Variants in UROC1 observed in about 807,000 individuals in gnomAD.
UROC1 encodes urocanate hydratase.
Under a neutral mutation model 89.5 loss-of-function variants are expected in UROC1, and 79 were observed. The ratio of observed to expected loss-of-function variants is 0.88; its 90% CI spans 0.74 to 1.06. The LOEUF is 1.06. Among genes scored for constraint, UROC1 ranks in the 50% least tolerant of loss-of-function variants. UROC1 has a pLI of 0.00. For missense variants in UROC1, 885 were observed against 907.8 expected, an observed-to-expected ratio of 0.97 and a Z score of 0.32; for synonymous variants, 361 against 354.8, an observed-to-expected ratio of 1.02 and a Z score of -0.20.
Position 126,492,438 on chromosome 3 carries a change from T to C in UROC1, c.1588A>G (p.Ile530Val), listed in dbSNP as rs1178283300. Reference sequence around the variant, plus strand: ...CTCACCTTGATCCTCCTGCAGGCGATGGCCTGGTTAATGGCCACAGCGATG... The same window carrying C: ...CTCACCTTGATCCTCCTGCAGGCGACGGCCTGGTTAATGGCCACAGCGATG... ...VAIAVAINQA[I>V]ACRRIKAPVV... is the part of the protein sequence containing the mutation. Residue 530 changes from isoleucine (I) to valine (V), a missense_variant, in exon 16 of 20, where the codon ATC becomes GTC. Transcript: ENST00000290868. 2 of 1,613,746 alleles carry C rather than the reference T, an allele frequency of 1.2e-6. No individual in the cohort carries two copies. Among genetic ancestry groups the C allele is most frequent in the South Asian group, 1.1e-5 (1 of 91,036 alleles).
intron 16 of UROC1, 151 bp downstream of exon 16, chr3:126,492,267 C>T (rs1935672411): frequency 1.3e-6 from 1 of 761,400 alleles, no homozygotes; most frequent in African/African-American, 1.7e-5. Flanking sequence ...GTCCACTGCT[C>T]CTGAGCACTG....
intron 1 of UROC1, among the ~76,000 whole-genome samples, chr3:126,513,800 T>C (rs781768193): frequency 6.6e-6 from 1 of 152,100 alleles, no homozygotes; most frequent in Non-Finnish European, 1.5e-5. Flanking sequence ...GTGGGGGGCA[T>C]AGTTAAGCAG....
At chr3:126,484,896 G>T (rs942832996) in intron 18 of UROC1, among the ~76,000 whole-genome samples, 1 of 152,218 alleles carries the variant, frequency 6.6e-6, no homozygotes, top group African/African-American at 2.4e-5. Context: ...CCTGCAGCTA[G>T]AGAGGCCTCT....
chr3:126,509,524 C>G lies in UROC1; in HGVS notation c.351+61G>C, dbSNP rs186023830. The G allele has an allele frequency of 1.5e-4, 212 of 1,398,264 alleles. No homozygotes were observed. In the African/African-American group the frequency reaches 2.6e-3, roughly 17 times the overall value. 86.6% of individuals were successfully genotyped at this position (1,398,264 alleles called of 1,614,324 possible). A position where few individuals can be genotyped will look rare whatever the true frequency, so the allele number is the denominator to read the frequency against. ...AAATTAAGAGCTTAAAAGCATGACA[C>G]GTGTGTCTCGTGTTCTGTTTCTGCT... On this transcript the variant is annotated intron_variant, in intron 3 of 19. Coordinates refer to ENST00000290868, the MANE Select transcript of UROC1 (RefSeq NM_144639.3).
chr3:126,501,009 T>TC lies in UROC1; in HGVS notation c.966-136dup, dbSNP rs1935907358. ...GCACAGCCCGAGCCAGACCCTGCTTTCCCCCTGGAAAGAGAACCTACGGGA... is the reference window on the plus strand; with the variant it reads ...GCACAGCCCGAGCCAGACCCTGCTTTCCCCCCTGGAAAGAGAACCTACGGGA... On this transcript the variant is annotated intron_variant, in intron 10 of 19. Coordinates refer to ENST00000290868, the MANE Select transcript of UROC1 (RefSeq NM_144639.3). 80 of 1,376,104 alleles carry TC rather than the reference T, an allele frequency of 5.8e-5. 1 individual carries two copies. In the South Asian group the frequency reaches 8.9e-4, roughly 15 times the overall value. 85.2% of individuals were successfully genotyped at this position (1,376,104 alleles called of 1,614,324 possible).
At chr3:126,500,380 T>C (rs1012637094) in intron 11 of UROC1, among the ~76,000 whole-genome samples, 1 of 152,120 alleles carries the variant, frequency 6.6e-6, no homozygotes, top group Non-Finnish European at 1.5e-5. Flanking sequence ...TAAACAAGCA[T>C]TTCCTGGTCC....
Position 126,487,968 on chromosome 3 carries a change from A to C in UROC1, c.1790+230T>G, listed in dbSNP as rs368050902. Among the ~76,000 whole-genome samples the C allele has an allele frequency of 2.0e-4, 31 of 152,316 alleles. No individual in the cohort carries two copies. The East Asian group carries it at 2.7e-3, about 13-fold the overall frequency. ...AGAGCCTAAGAGGCCCCTGAGACCC[A>C]TGTGGCAGGGGAGACCCAGAGAGGT... On this transcript the variant is annotated intron_variant, in intron 18 of 19. Coordinates refer to ENST00000290868, the MANE Select transcript of UROC1 (RefSeq NM_144639.3).
intron 6 of UROC1, among the ~76,000 whole-genome samples, chr3:126,506,740 A>G (rs183501143): frequency 8.5e-5 from 13 of 152,364 alleles, no homozygotes; most frequent in African/African-American, 3.1e-4. Flanking sequence ...AGGACGTAAG[A>G]GGGATCTCCT....
chr3:126,509,783 G>A lies in UROC1; in HGVS notation c.258-105C>T, dbSNP rs141833922. 8 of 1,062,318 alleles carry A rather than the reference G, an allele frequency of 7.5e-6. No individual in the cohort carries two copies. The East Asian group carries it at 7.8e-5, about 10-fold the overall frequency. 65.8% of individuals were successfully genotyped at this position (1,062,318 alleles called of 1,614,324 possible). ...CGCTCAGGCAAGGATAGCCGGACAC[G>A]GGGCCTGCAGAACTAGCTAGGAACG... On this transcript the variant is annotated intron_variant, in intron 2 of 19. Transcript: ENST00000290868.
rs191798118 is a variant in UROC1, at chr3:126,507,137, A to C, written c.602+605T>G. Among the ~76,000 whole-genome samples, 705 of 152,350 alleles carry C rather than the reference A, an allele frequency of 4.6e-3. 9 individuals are homozygous for C. Among genetic ancestry groups the C allele is most frequent in the African/African-American group, 0.013 (560 of 41,580 alleles). On this transcript the variant is annotated intron_variant, in intron 6 of 19. Transcript: ENST00000290868. Reference sequence around the variant, plus strand: ...CCTCTATAACAAATGAAAAGCTTTCATTCCCTGAGAGGGGCTGTGCGAGAC... The same window carrying C: ...CCTCTATAACAAATGAAAAGCTTTCCTTCCCTGAGAGGGGCTGTGCGAGAC...
chr3:126,488,083 G>A, intron 18 of UROC1, 115 bp downstream of exon 18: 2 of 1,090,984 alleles, frequency 1.8e-6, no homozygotes, highest in East Asian at 2.4e-5. Flanking sequence ...GAGGGCAGGG[G>A]AGGTGACCAG....
chr3:126,487,418 A>G (rs1935542581), intron 18 of UROC1, among the ~76,000 whole-genome samples: 1 of 152,152 alleles, frequency 6.6e-6, no homozygotes, highest in Admixed American at 6.5e-5. Context: ...TCCTCTAATT[A>G]CAGCCACCTG....
In UROC1 at chr3:126,483,224, C is replaced by A. The variant is rs575269279; in HGVS notation, c.1890+145G>T. 103 of 753,238 alleles carry A rather than the reference C, an allele frequency of 1.4e-4. No homozygotes were observed. The African/African-American group carries it at 1.6e-3, about 12-fold the overall frequency. The allele number at this position is 753,238 out of a possible 1,614,324, so 46.7% of individuals were successfully genotyped here. ...TGACCTCCATTTGAGCTGATTCCCC[C>A]TTCCTGGCTGCTGTGCTGTGGTCAT... On this transcript the variant is annotated intron_variant, in intron 19 of 19. Transcript: ENST00000290868.
intron 9 of UROC1, among the ~76,000 whole-genome samples, chr3:126,502,319 T>C (rs577095659): frequency 6.6e-6 from 1 of 151,826 alleles, no homozygotes; most frequent in South Asian, 2.1e-4. Flanking sequence ...TGTTTATGCA[T>C]GTGTGCATGT....
intron 9 of UROC1, chr3:126,502,040 A>G (rs1935935475): frequency 2.9e-6 from 4 of 1,379,212 alleles, no homozygotes; most frequent in Non-Finnish European, 3.8e-6. Flanking sequence ...TGCTCGAGAC[A>G]GTTCCTTAAA....
At chr3:126,510,921 C>T (rs1448773778) in intron 1 of UROC1, 127 bp from the exon 2 acceptor site, 2 of 1,405,060 alleles carry the variant, frequency 1.4e-6, no homozygotes, top group African/African-American at 2.8e-5. Context: ...TGTTGCCCAC[C>T]CAGAGACTGT....
At chr3:126,501,046 A>G (rs1372612220) in intron 10 of UROC1, among the ~76,000 whole-genome samples, 172 bp from the exon 11 acceptor site, 1 of 152,192 alleles carries the variant, frequency 6.6e-6, no homozygotes, top group Non-Finnish European at 1.5e-5. Context: ...GGCTGTGGGC[A>G]GGGCAGGGAC....
chr3:126,502,519 T>C (rs961353238), intron 9 of UROC1, among the ~76,000 whole-genome samples: 3 of 151,880 alleles, frequency 2.0e-5, no homozygotes, highest in African/African-American at 7.3e-5. Context: ...TATGCATGTG[T>C]GTGTTATGTC....
At position 126,500,829 on chromosome 3, in the gene UROC1, C is replaced by T; in HGVS notation, c.1011G>A (p.Val337=). 1 of 1,613,986 alleles carries T rather than the reference C, an allele frequency of 6.2e-7. No homozygotes were observed. ...AGGATGTCTGATCTGACCCCAGGTC[C>T]ACCAAGCACTCCCCCGTCGTGTCCA... The part of the protein sequence containing the change: ...HELDTTGECL[V]DLGSDQTSCH... The change falls in exon 11 of 20, where the codon GTG becomes GTA. Residue 337 remains valine (V), a synonymous_variant. Coordinates refer to ENST00000290868, the MANE Select transcript of UROC1 (RefSeq NM_144639.3).
Sources: gnomAD v4.1 joint callset for allele counts (sites outside exome capture counted in the v4.1 genomes callset) on GRCh38, gnomAD v4.1.1 for gene constraint, MANE v1.5 for transcripts, NCBI Gene and HGNC (gene_info 2026-07-23, HGNC 2026-07-21) for gene names.